TERF2IP: variants seen among roughly 807,000 people sequenced by gnomAD.
TERF2IP encodes the protein TERF2 interacting protein.
In TERF2IP, 35 loss-of-function variants were observed where a neutral mutation model predicts 33.3. The observed-to-expected ratio is 1.05, with a 90% CI of 0.80 to 1.39. The LOEUF (loss-of-function observed/expected upper bound fraction) is 1.39. Ranked by LOEUF, TERF2IP falls within the 40% of genes most tolerant of loss-of-function variation. TERF2IP has a pLI of 0.00. For synonymous variants in TERF2IP, 253 were observed against 223.2 expected (o/e 1.13, Z -1.19); for missense variants, 583 against 524.8 (o/e 1.11, Z -1.08).
chr16:75,652,665 G>A (rs919371820), intron 1 of TERF2IP, among the ~76,000 whole-genome samples: 5 of 152,034 alleles, frequency 3.3e-5, no homozygotes, highest in African/African-American at 1.2e-4. Context: ...ACTTTTTATG[G>A]TGTAAAATTA....
In TERF2IP at chr16:75,648,304, A is replaced by G. The variant is rs1207771574; in HGVS notation, c.422A>G (p.Asp141Gly). Residue 141 changes from aspartate to glycine, a missense_variant, in exon 1 of 3, where the codon GAC (aspartate) becomes GGC (glycine). Coordinates refer to ENST00000300086, the MANE Select transcript of TERF2IP (RefSeq NM_018975.4). ...AGRIAFTDAD[D>G]VAILTYVKEN... ...CGGATCGCCTTCACGGATGCGGACG[A>G]CGTAGCCATCCTTACCTACGTGAAG... is the stretch of plus-strand genomic sequence containing the variant. The G allele has an allele frequency of 1.3e-6, 2 of 1,556,800 alleles. No individual in the cohort carries two copies. The highest frequency in any genetic ancestry group is 1.7e-6 in the Non-Finnish European group (2 of 1,150,040).
Position 75,647,905 on chromosome 16 carries a change from G to A in TERF2IP, c.23G>A (p.Gly8Asp). Residue 8 changes from glycine to aspartate, a missense_variant, in exon 1 of 3, where the codon GGC becomes GAC. Coordinates refer to ENST00000300086, the MANE Select transcript of TERF2IP (RefSeq NM_018975.4). MAEAMDL[G>D]KDPNGPTHSS... ...GACATGGCGGAGGCGATGGATTTGG[G>A]CAAAGACCCCAACGGGCCCACCCAT... is the stretch of plus-strand genomic sequence containing the variant. 2 of 1,608,274 alleles carry A rather than the reference G, an allele frequency of 1.2e-6. No homozygotes were observed. Among genetic ancestry groups the A allele is most frequent in the Non-Finnish European group, 8.5e-7 (1 of 1,175,700 alleles).
intron 1 of TERF2IP, among the ~76,000 whole-genome samples, chr16:75,652,547 C>G (rs1363465758): frequency 6.6e-6 from 1 of 152,148 alleles, no homozygotes; most frequent in Non-Finnish European, 1.5e-5. Context: ...TGTTTTGAAG[C>G]AAATGCCAGA....
rs1313370565 is a variant in TERF2IP, at chr16:75,656,641, C to T, written c.*30C>T. On this transcript the variant is annotated 3_prime_UTR_variant, in exon 3 of 3. Coordinates refer to ENST00000300086, the MANE Select transcript of TERF2IP (RefSeq NM_018975.4). ...CAAGATAATGAGAAAAGAAAAAAGT[C>T]ATGGTAGGTGAGGTGGTTAAAAAAA... 2 of 1,561,712 alleles carry T rather than the reference C, an allele frequency of 1.3e-6. No individual in the cohort carries two copies. Among genetic ancestry groups the T allele is most frequent in the Non-Finnish European group, 1.7e-6 (2 of 1,156,426 alleles).
chr16:75,650,634 C>A (rs566184406), intron 1 of TERF2IP, among the ~76,000 whole-genome samples: 1 of 152,152 alleles, frequency 6.6e-6, no homozygotes, highest in Non-Finnish European at 1.5e-5. Context: ...TTCCCAGGCT[C>A]AGTGGATCCT....
chr16:75,655,873 CTCTT>C (rs1268388927), intron 2 of TERF2IP, among the ~76,000 whole-genome samples: 2 of 151,762 alleles, frequency 1.3e-5, no homozygotes, highest in Non-Finnish European at 1.5e-5. Context: ...ATGTGTCTCT[CTCTT>C]TATATATACA....
At chr16:75,655,189 G>A (rs1288636283) in intron 2 of TERF2IP, among the ~76,000 whole-genome samples, 1 of 152,170 alleles carries the variant, frequency 6.6e-6, no homozygotes, top group Non-Finnish European at 1.5e-5. Flanking sequence ...GCTACTTATA[G>A]TAATTTTTTT....
chr16:75,653,847 C>A (rs1358819743), intron 1 of TERF2IP, among the ~76,000 whole-genome samples: 1 of 152,064 alleles, frequency 6.6e-6, no homozygotes, highest in Non-Finnish European at 1.5e-5. Flanking sequence ...CTCTCTCTGC[C>A]CACTCCTGCT....
intron 2 of TERF2IP, among the ~76,000 whole-genome samples, chr16:75,656,005 G>T (rs748070519): frequency 3.3e-5 from 5 of 151,390 alleles, no homozygotes; most frequent in African/African-American, 4.9e-5. Context: ...ACACACACGC[G>T]CACACACACA....
rs2082388962 is a variant in TERF2IP, at chr16:75,656,596, A to T, written c.1185A>T (p.Glu395Asp). 1.3e-6 allele frequency: 2 copies of T among 1,593,340 alleles called. No individual in the cohort carries two copies. The highest frequency in any genetic ancestry group is 1.8e-5 in the Admixed American group (1 of 56,076). The part of the protein sequence containing the change: ...FGAQNVARRI[E>D]FRKK ...CTCAGAATGTAGCTCGGAGGATTGA[A>T]TTTCGAAAGAAATAATTGGCAAGAT... is the stretch of plus-strand genomic sequence containing the variant. The change falls in exon 3 of 3, where the codon GAA (glutamate) becomes GAT (aspartate). Residue 395 changes from glutamate (E) to aspartate (D), a missense_variant. Coordinates refer to ENST00000300086, the MANE Select transcript of TERF2IP (RefSeq NM_018975.4).
chr16:75,650,825 A>T (rs924114973), intron 1 of TERF2IP, among the ~76,000 whole-genome samples: 1 of 152,194 alleles, frequency 6.6e-6, no homozygotes, highest in Admixed American at 6.5e-5. Flanking sequence ...GGTGTGAGCC[A>T]CCATGCTGTG....
chr16:75,656,890 G>C lies in TERF2IP; in HGVS notation c.*279G>C. 1 of 348,398 alleles carries C rather than the reference G, an allele frequency of 2.9e-6. No individual in the cohort carries two copies. The highest frequency in any genetic ancestry group is 5.2e-6 in the Non-Finnish European group (1 of 192,010). The allele number at this position is 348,398 out of a possible 1,614,324, so 21.6% of individuals were successfully genotyped here. ...CAGACAGGAGTTGGTCTACATAGTA[G>C]TAATCCATTGTTGGAATGGAACCCT... On this transcript the variant is annotated 3_prime_UTR_variant, in exon 3 of 3. Coordinates refer to ENST00000300086, the MANE Select transcript of TERF2IP (RefSeq NM_018975.4).
chr16:75,648,385 A>C lies in TERF2IP; in HGVS notation c.503A>C (p.Glu168Ala). Residue 168 changes from glutamate (E) to alanine (A), a missense_variant, in exon 1 of 3, where the codon GAG becomes GCG. Glu to Ala is a moderately radical substitution (Grantham distance 107). Coordinates refer to ENST00000300086, the MANE Select transcript of TERF2IP (RefSeq NM_018975.4). ...GGTAACGCCTTGTGGAAAGCGATGG[A>C]GAAGAGCTCGCTCACGCAGCACTCG... ...VTGNALWKAM[E>A]KSSLTQHSWQ... 6.2e-7 allele frequency: 1 copy of C among 1,606,688 alleles called. No homozygotes were observed.
At chr16:75,653,817 ACT>A (rs2082364387) in intron 1 of TERF2IP, among the ~76,000 whole-genome samples, 1 of 151,062 alleles carries the variant, frequency 6.6e-6, no homozygotes, top group African/African-American at 2.4e-5. Context: ...TCTTGTTGAA[ACT>A]CTTTGATAAG....
intron 1 of TERF2IP, among the ~76,000 whole-genome samples, chr16:75,649,906 C>T (rs1382137337): frequency 6.6e-6 from 1 of 152,144 alleles, no homozygotes; most frequent in African/African-American, 2.4e-5. Context: ...ACCGATAGAC[C>T]CTTTTGTTTA....
chr16:75,649,448 G>T (rs2082330569), intron 1 of TERF2IP, among the ~76,000 whole-genome samples: 1 of 151,948 alleles, frequency 6.6e-6, no homozygotes, highest in African/African-American at 2.4e-5. Flanking sequence ...GGAGGCTGAG[G>T]CAGGAGAATT....
At chr16:75,653,071 A>G (rs552596215) in intron 1 of TERF2IP, among the ~76,000 whole-genome samples, 2 of 152,340 alleles carry the variant, frequency 1.3e-5, no homozygotes, top group African/African-American at 4.8e-5. Flanking sequence ...AAGTTCATCC[A>G]TATTGTAGCA....
At chr16:75,653,587 C>A (rs964857448) in intron 1 of TERF2IP, among the ~76,000 whole-genome samples, 2 of 152,148 alleles carry the variant, frequency 1.3e-5, no homozygotes, top group African/African-American at 2.4e-5. Flanking sequence ...ATTTAGGAGG[C>A]CCTCCTTTTT....
rs2082390148 is a variant in TERF2IP, at chr16:75,656,741, C to T, written c.*130C>T. The T allele has an allele frequency of 7.1e-6, 6 of 850,900 alleles. No homozygotes were observed. The highest frequency in any genetic ancestry group is 1.7e-5 in the African/African-American group (1 of 58,266). 52.7% of individuals were successfully genotyped at this position (850,900 alleles called of 1,614,324 possible). ...TTTTCTGACCATCGCTGCTGTTGCT[C>T]TGTGAGTCCTAGATTTTTGTAGCCA... is the stretch of plus-strand genomic sequence containing the variant. On this transcript the variant is annotated 3_prime_UTR_variant, in exon 3 of 3. Coordinates refer to ENST00000300086, the MANE Select transcript of TERF2IP (RefSeq NM_018975.4).
Sources: allele counts gnomAD v4.1 joint callset (sites outside exome capture counted in the v4.1 genomes callset), GRCh38; gene constraint gnomAD v4.1.1; transcripts MANE v1.5; gene names NCBI Gene and HGNC (gene_info 2026-07-23, HGNC 2026-07-21).